The following LRRIQ1 variants were observed in gnomAD, a reference collection of about 807,000 sequenced individuals.
LRRIQ1 encodes the protein leucine rich repeats and IQ motif containing 1.
LRRIQ1 carries 210 observed loss-of-function variants against 211.9 expected under a neutral mutation model. The ratio of observed to expected loss-of-function variants is 0.99; its 90% CI spans 0.89 to 1.11. The LOEUF is 1.11. Ranked by LOEUF, LRRIQ1 falls within the 50% of genes most tolerant of loss-of-function variation. The pLI, the probability that LRRIQ1 is intolerant of heterozygous loss-of-function variation, is 0.00. For synonymous variants in LRRIQ1, 699 were observed against 650.1 expected (o/e 1.08, Z -1.14); for missense variants, 2,136 against 1,939.5 (o/e 1.10, Z -1.90).
chr12:85,093,479 G>A (rs1239846372), intron 11 of LRRIQ1, among the ~76,000 whole-genome samples: 1 of 152,164 alleles, frequency 6.6e-6, no homozygotes, highest in Non-Finnish European at 1.5e-5. Context: ...TGGATGCAGA[G>A]CATGCATGTC....
At chr12:85,091,087 T>A (rs1885347665) in intron 11 of LRRIQ1, among the ~76,000 whole-genome samples, 1 of 152,004 alleles carries the variant, frequency 6.6e-6, no homozygotes, top group African/African-American at 2.4e-5. Flanking sequence ...ACTTGCTTCT[T>A]TTTTTTACCT....
intron 23 of LRRIQ1, among the ~76,000 whole-genome samples, chr12:85,154,401 A>T (rs867278188): frequency 3.3e-5 from 5 of 151,218 alleles, no homozygotes; most frequent in Non-Finnish European, 7.4e-5. Context: ...GCAAATGTTG[A>T]CTCTAAAGAG....
At chr12:85,106,926 G>A (rs1212053737) in intron 15 of LRRIQ1, among the ~76,000 whole-genome samples, 1 of 152,010 alleles carries the variant, frequency 6.6e-6, no homozygotes. Flanking sequence ...GTTGAGAATT[G>A]CTTTTTTGCC....
At chr12:85,167,355 C>A (rs1369288995) in intron 24 of LRRIQ1, among the ~76,000 whole-genome samples, 1 of 152,104 alleles carries the variant, frequency 6.6e-6, no homozygotes, top group African/African-American at 2.4e-5. Context: ...CCACAATAGG[C>A]CATCTGCAAG....
intron 24 of LRRIQ1, among the ~76,000 whole-genome samples, chr12:85,206,499 C>T (rs1023720023): frequency 6.6e-6 from 1 of 152,066 alleles, no homozygotes; most frequent in African/African-American, 2.4e-5. Flanking sequence ...AGCAATGGTC[C>T]AGTGGGGTAC....
At chr12:85,063,342 G>T (rs938240530) in intron 8 of LRRIQ1, among the ~76,000 whole-genome samples, 2 of 151,390 alleles carry the variant, frequency 1.3e-5, no homozygotes, top group African/African-American at 2.4e-5. Flanking sequence ...TTAAATAGAA[G>T]ACCTCAAACT....
chr12:85,085,617 A>G (rs1884738694), intron 11 of LRRIQ1, among the ~76,000 whole-genome samples: 1 of 152,262 alleles, frequency 6.6e-6, no homozygotes. Context: ...AGTTTCTACT[A>G]TTTATTGTTC....
chr12:85,137,284 A>G (rs189986706), intron 18 of LRRIQ1, among the ~76,000 whole-genome samples: 1 of 151,406 alleles, frequency 6.6e-6, no homozygotes, highest in Admixed American at 6.6e-5. Flanking sequence ...TCCATTTTTT[A>G]CAAGCTACAT....
chr12:85,039,234 A>T (rs1219474784), intron 2 of LRRIQ1, among the ~76,000 whole-genome samples: 1 of 151,330 alleles, frequency 6.6e-6, no homozygotes, highest in Non-Finnish European at 1.5e-5. Flanking sequence ...GAAAATTTTA[A>T]AGCCCTTCTG....
exon 2 of LRRIQ1, chr12:85,264,065 T>A (rs1896372289): frequency 6.6e-6 from 1 of 152,094 alleles, no homozygotes; most frequent in Non-Finnish European, 1.5e-5. Flanking sequence ...CTTTAGTATT[T>A]TTTTGTTTTT....
chr12:85,152,947 A>T, intron 20 of LRRIQ1, 77 bp from the exon 21 acceptor site: 1 of 1,002,892 alleles, frequency 1.0e-6, no homozygotes, highest in Non-Finnish European at 1.4e-6. Flanking sequence ...ATTTGGTAAT[A>T]TGCATGTAAA....
At chr12:85,178,021 A>G (rs1249852574) in intron 24 of LRRIQ1, among the ~76,000 whole-genome samples, 1 of 152,124 alleles carries the variant, frequency 6.6e-6, no homozygotes, top group East Asian at 1.9e-4. Flanking sequence ...GGAGTGAGAT[A>G]ACTGCTTACC....
chr12:85,238,690 A>G (rs1247834187), intron 26 of LRRIQ1, among the ~76,000 whole-genome samples: 1 of 152,144 alleles, frequency 6.6e-6, no homozygotes, highest in Non-Finnish European at 1.5e-5. Context: ...CCACGAATTC[A>G]ACAGATTTGT....
At chr12:85,240,773 T>A (rs1282016788) in intron 26 of LRRIQ1, among the ~76,000 whole-genome samples, 1 of 152,132 alleles carries the variant, frequency 6.6e-6, no homozygotes, top group African/African-American at 2.4e-5. Flanking sequence ...GATTACATGC[T>A]GTATTATTTC....
chr12:85,230,022 A>G (rs542493415), intron 25 of LRRIQ1, among the ~76,000 whole-genome samples: 1 of 152,130 alleles, frequency 6.6e-6, no homozygotes, highest in South Asian at 2.1e-4. Context: ...TTATAATTCA[A>G]CCCTGTGGCT....
chr12:85,147,590 A>G (rs1889973015), intron 19 of LRRIQ1, among the ~76,000 whole-genome samples: 2 of 151,750 alleles, frequency 1.3e-5, no homozygotes, highest in Admixed American at 6.6e-5. Context: ...TAGCCAAACC[A>G]TCACTGAACC....
At chr12:85,155,488 A>G (rs1890494384) in intron 23 of LRRIQ1, among the ~76,000 whole-genome samples, 1 of 151,504 alleles carries the variant, frequency 6.6e-6, no homozygotes, top group Non-Finnish European at 1.5e-5. Context: ...AATAAACTCT[A>G]TTATTGCTTT....
chr12:85,198,319 A>T (rs958142758), intron 24 of LRRIQ1, among the ~76,000 whole-genome samples: 3 of 150,226 alleles, frequency 2.0e-5, no homozygotes, highest in African/African-American at 7.4e-5. Flanking sequence ...CCTTGGGTGT[A>T]TACCCAAAAG....
intron 10 of LRRIQ1, among the ~76,000 whole-genome samples, chr12:85,068,035 A>G (rs1240263061): frequency 6.6e-6 from 1 of 151,934 alleles, no homozygotes; most frequent in African/African-American, 2.4e-5. Flanking sequence ...AAATTGTATT[A>G]TTCACCTCCT....
Sources: allele counts gnomAD v4.1 joint callset (sites outside exome capture counted in the v4.1 genomes callset), GRCh38; gene constraint gnomAD v4.1.1; transcripts MANE v1.5; gene names NCBI Gene and HGNC (gene_info 2026-07-23, HGNC 2026-07-21).